The following ZNF592 variants were observed in gnomAD, a reference collection of about 807,000 sequenced individuals.
The protein encoded by ZNF592 is spinocerebellar ataxia, autosomal recessive 5.
ZNF592 carries 11 observed loss-of-function variants against 80.3 expected under a neutral mutation model. That is an observed-to-expected ratio of 0.14 (90% CI 0.09 to 0.23). The LOEUF (loss-of-function observed/expected upper bound fraction) is 0.23, where lower values mean the gene tolerates loss of function less well. ZNF592 is among the 10% of genes least tolerant of loss of function. The pLI is 1.00. For missense variants in ZNF592, 1,420 were observed against 1,633.9 expected (o/e 0.87, Z 2.26); for synonymous variants, 646 against 640.3 (o/e 1.01, Z -0.13).
chr15:84,782,514 T>G (rs1411586725), intron 3 of ZNF592, 143 bp from the exon 4 acceptor site: 1 of 811,778 alleles, frequency 1.2e-6, no homozygotes, highest in Non-Finnish European at 2.1e-6. Flanking sequence ...GGGGTAAAAC[T>G]GAGGTGTGTG....
rs1333058168 is a variant in ZNF592, at chr15:84,784,937, C to T, written c.2220+42C>T. 6.2e-7 allele frequency: 1 copy of T among 1,610,520 alleles called. No individual in the cohort carries two copies. The highest frequency in any genetic ancestry group is 1.3e-5 in the African/African-American group (1 of 74,822). On this transcript the variant is annotated intron_variant, in intron 4 of 10. Transcript: ENST00000560079. The surrounding 1 kb of genome is among the most constrained non-coding windows in gnomAD (Gnocchi z 5.8). ...TGTTACGGGTATCGGGCCCCTGGCT[C>T]ACACAGGTTCCATGACTGGGCATGG... is the stretch of plus-strand genomic sequence containing the variant.
chr15:84,784,982 T>C lies in ZNF592; in HGVS notation c.2220+87T>C, dbSNP rs1030376009. Reference sequence around the variant, plus strand: ...GCATGGAGAGGAAAGCTCATTGATATGGGGGCAGTGGTGGAATCTTATGAG... The same window carrying C: ...GCATGGAGAGGAAAGCTCATTGATACGGGGGCAGTGGTGGAATCTTATGAG... On this transcript the variant is annotated intron_variant, in intron 4 of 10. Coordinates refer to ENST00000560079, the MANE Select transcript of ZNF592 (RefSeq NM_014630.3). This position sits in a 1 kb window ranked among gnomAD's most constrained non-coding sequence, Gnocchi z 5.8. The C allele has an allele frequency of 1.6e-5, 23 of 1,414,670 alleles. No individual in the cohort carries two copies. Among genetic ancestry groups the C allele is most frequent in the South Asian group, 5.8e-5 (5 of 86,082 alleles). The allele number at this position is 1,414,670 out of a possible 1,614,324, so 87.6% of individuals were successfully genotyped here. A position where few individuals can be genotyped will look rare whatever the true frequency, so the allele number is the denominator to read the frequency against.
chr15:84,759,695 C>T (rs960439238), intron 1 of ZNF592, among the ~76,000 whole-genome samples: 38 of 152,294 alleles, frequency 2.5e-4, no homozygotes, highest in Admixed American at 2.3e-3. Context: ...GACTGGGACC[C>T]AGGCAGGCAC....
intron 3 of ZNF592, among the ~76,000 whole-genome samples, chr15:84,781,571 A>G (rs560078279): frequency 6.6e-6 from 1 of 152,190 alleles, no homozygotes; most frequent in Non-Finnish European, 1.5e-5. Context: ...TTCTGGTTCT[A>G]TGAAGCTACC....
intron 5 of ZNF592, among the ~76,000 whole-genome samples, chr15:84,793,080 A>T (rs12594660): frequency 0.74 from 111,201 of 150,812 alleles, 41,013 homozygotes; most frequent in East Asian, 0.91. Flanking sequence ...AAGAAAAAAA[A>T]TTTTTTTTTT....
At chr15:84,768,653 A>G (rs1426100224) in intron 2 of ZNF592, among the ~76,000 whole-genome samples, 3 of 152,022 alleles carry the variant, frequency 2.0e-5, no homozygotes, top group Non-Finnish European at 4.4e-5. Context: ...CCTCAAAACA[A>G]ATGACCTTAT....
At chr15:84,775,874 AGAC>A (rs1458708775) in intron 2 of ZNF592, among the ~76,000 whole-genome samples, 3 of 152,258 alleles carry the variant, frequency 2.0e-5, no homozygotes, top group African/African-American at 7.2e-5. Flanking sequence ...GCAAAGTAGT[AGAC>A]TCTGTAATAA....
At chr15:84,766,401 A>C (rs554684036) in intron 2 of ZNF592, among the ~76,000 whole-genome samples, 4 of 152,314 alleles carry the variant, frequency 2.6e-5, no homozygotes, top group African/African-American at 9.6e-5. Context: ...CACATACAGA[A>C]CACCTGGATA....
At chr15:84,782,104 A>C (rs1028857664) in intron 3 of ZNF592, among the ~76,000 whole-genome samples, 2 of 152,224 alleles carry the variant, frequency 1.3e-5, no homozygotes, top group African/African-American at 4.8e-5. Flanking sequence ...CCTAGGGATG[A>C]TATAATTTTC....
At chr15:84,800,676 G>A (rs899569467) in intron 10 of ZNF592, among the ~76,000 whole-genome samples, 2 of 152,178 alleles carry the variant, frequency 1.3e-5, no homozygotes, top group African/African-American at 4.8e-5. Flanking sequence ...TGGGGGTATC[G>A]ATTGATGTTT....
chr15:84,776,945 G>A (rs1040034094), intron 2 of ZNF592, among the ~76,000 whole-genome samples: 5 of 151,456 alleles, frequency 3.3e-5, no homozygotes, highest in East Asian at 1.9e-4. Flanking sequence ...CCAGCTACTC[G>A]GGAGACTGGG....
intron 3 of ZNF592, among the ~76,000 whole-genome samples, 192 bp from the exon 4 acceptor site, chr15:84,782,465 A>G (rs1221578228): frequency 1.3e-5 from 2 of 152,054 alleles, no homozygotes; most frequent in Non-Finnish European, 2.9e-5. Flanking sequence ...TACTCTTTCC[A>G]TCTCTGCCCC....
At chr15:84,764,625 G>GT (rs1343985122) in intron 1 of ZNF592, 82 bp from the exon 2 acceptor site, 2 of 394,968 alleles carry the variant, frequency 5.1e-6, no homozygotes, top group Non-Finnish European at 8.9e-6. Flanking sequence ...ATTATTATTA[G>GT]TTTTTTTAAA....
chr15:84,772,612 T>C (rs1006227708), intron 2 of ZNF592, among the ~76,000 whole-genome samples: 3 of 152,116 alleles, frequency 2.0e-5, no homozygotes, highest in Admixed American at 6.5e-5. Context: ...ACAAATGATA[T>C]CAGTATTTAA....
chr15:84,799,181 T>C lies in ZNF592; in HGVS notation c.3108T>C (p.His1036=). ...NSLRKHIRNN[H]DTVKKFYTCG... ...TGCGCAAACACATCCGCAACAACCA[T>C]GACACAGTAAAGAAGTTCTACACCT... The change falls in exon 9 of 11, where the codon CAT becomes CAC. Residue 1036 remains histidine (H), a synonymous_variant. Coordinates refer to ENST00000560079, the MANE Select transcript of ZNF592 (RefSeq NM_014630.3). This position sits in a 1 kb window ranked among gnomAD's most constrained non-coding sequence, Gnocchi z 4.2. The C allele has an allele frequency of 6.2e-7, 1 of 1,614,126 alleles. No homozygotes were observed. The highest frequency in any genetic ancestry group is 8.5e-7 in the Non-Finnish European group (1 of 1,180,022).
intron 1 of ZNF592, among the ~76,000 whole-genome samples, chr15:84,764,043 T>C (rs1422293459): frequency 6.6e-6 from 1 of 152,228 alleles, no homozygotes; most frequent in Non-Finnish European, 1.5e-5. Flanking sequence ...TGCTCTGTGC[T>C]GACCTCTTCC....
chr15:84,798,205 G>T lies in ZNF592; in HGVS notation c.2577-110G>T. The T allele has an allele frequency of 5.1e-6, 8 of 1,579,214 alleles. No homozygotes were observed. The South Asian group carries it at 8.9e-5, about 18-fold the overall frequency. On this transcript the variant is annotated intron_variant, in intron 6 of 10. Coordinates refer to ENST00000560079, the MANE Select transcript of ZNF592 (RefSeq NM_014630.3). The surrounding 1 kb of genome is among the most constrained non-coding windows in gnomAD (Gnocchi z 4.5). ...CTGAGGCAGGGGAGCATCCACATTGGCTCAGGGTAGTGCTTTCCCAAACTT... is the reference window on the plus strand; with the variant it reads ...CTGAGGCAGGGGAGCATCCACATTGTCTCAGGGTAGTGCTTTCCCAAACTT...
At chr15:84,754,057 T>TTGTG (rs144636976) in intron 1 of ZNF592, among the ~76,000 whole-genome samples, 1 of 151,904 alleles carries the variant, frequency 6.6e-6, no homozygotes, top group Non-Finnish European at 1.5e-5. Context: ...AGCAGGGGAA[T>TTGTG]TGTGTGTGTG....
chr15:84,787,812 G>T (rs956250340), intron 4 of ZNF592, among the ~76,000 whole-genome samples: 7 of 152,146 alleles, frequency 4.6e-5, no homozygotes, highest in African/African-American at 1.4e-4. Context: ...TTTGAGTCAG[G>T]ATCTGAACAT....
Sources: allele counts gnomAD v4.1 joint callset (sites outside exome capture counted in the v4.1 genomes callset), GRCh38; gene constraint gnomAD v4.1.1; non-coding constraint Gnocchi (gnomAD v3.1); transcripts MANE v1.5; gene names NCBI Gene and HGNC (gene_info 2026-07-23, HGNC 2026-07-21).